FRG1: variants seen among roughly 807,000 people sequenced by gnomAD.
FRG1 encodes protein FRG1.
FRG1 carries 19 observed loss-of-function variants against 37.0 expected under a neutral mutation model. The observed-to-expected ratio is 0.51, with a 90% CI of 0.36 to 0.75. The LOEUF is 0.75. FRG1 is among the 30% of genes least tolerant of loss of function. FRG1 has a pLI of 0.00. For synonymous variants in FRG1, 73 were observed against 96.5 expected, an observed-to-expected ratio of 0.76 and a Z score of 1.43; for missense variants, 243 against 301.4, an observed-to-expected ratio of 0.81 and a Z score of 1.44.
chr4:189,950,933 A>G (rs1457506045), intron 2 of FRG1, among the ~76,000 whole-genome samples: 1 of 152,186 alleles, frequency 6.6e-6, no homozygotes, highest in Non-Finnish European at 1.5e-5. Context: ...ATTTTTATAT[A>G]TTATACTATG....
chr4:189,961,137 T>A (rs571255120), intron 7 of FRG1: 2 of 211,448 alleles, frequency 9.5e-6, no homozygotes, highest in South Asian at 1.1e-4. Flanking sequence ...AGCTAAATGC[T>A]TTTCTTTTCT....
In FRG1 at chr4:189,940,920, C is replaced by T; in HGVS notation, c.-90C>T. The T allele has an allele frequency of 3.0e-6, 3 of 999,146 alleles. No homozygotes were observed. The highest frequency in any genetic ancestry group is 2.0e-5 in the Admixed American group (1 of 50,272). The allele number at this position is 999,146 out of a possible 1,614,324, so 61.9% of individuals were successfully genotyped here. On this transcript the variant is annotated 5_prime_UTR_variant, in exon 1 of 9. Coordinates refer to ENST00000226798, the MANE Select transcript of FRG1 (RefSeq NM_004477.3). ...TCAGGGAGTGTTTATTTCGCGTCCG[C>T]TTCTGTTTCTCCGCGCCCCTGTGCT...
chr4:189,954,985 A>G (rs1398057817), intron 4 of FRG1, 52 bp from the exon 5 acceptor site: 6 of 1,112,880 alleles, frequency 5.4e-6, no homozygotes, highest in African/African-American at 4.7e-5. Context: ...TTGATGTCCT[A>G]TAATTAATTT....
rs1736267400 is a variant in FRG1 at position 189,941,054 on chromosome 4, G to A, written c.45G>A (p.Lys15=). Residue 15 remains lysine, a synonymous_variant, in exon 1 of 9, where the codon AAG becomes AAA. Transcript: ENST00000226798. ...SYVKSTKLVL[K]GTKTKSKKKK... ...TGAAGTCTACCAAGCTCGTGCTCAA[G>A]GGAACCAAGACGAAGAGGTGGGTCC... The A allele has an allele frequency of 6.2e-7, 1 of 1,614,130 alleles. No homozygotes were observed. Among genetic ancestry groups the A allele is most frequent in the Middle Eastern group, 1.6e-4 (1 of 6,062 alleles).
In FRG1 at chr4:189,963,119, A is replaced by G; in HGVS notation, c.767A>G (p.Tyr256Cys). 2 of 1,611,910 alleles carry G rather than the reference A, an allele frequency of 1.2e-6. No individual in the cohort carries two copies. Among genetic ancestry groups the G allele is most frequent in the East Asian group, 2.2e-5 (1 of 44,776 alleles). The change falls in exon 9 of 9, where the codon TAC becomes TGC. Residue 256 changes from tyrosine to cysteine, a missense_variant. Physicochemically the swap from Tyr to Cys is radical, Grantham distance 194. This residue lies in a region of FRG1 where 133 missense variants were observed against 199.3 expected (regional missense o/e 0.67). Transcript: ENST00000226798. ...DRRAKLKADR[Y>C]CK ...AGAGCCAAATTGAAAGCCGACAGAT[A>G]CTGCAAGTGACTGGGATTTTTGTTT...
chr4:189,941,179 C>T, intron 1 of FRG1, 108 bp downstream of exon 1: 15 of 1,005,698 alleles, frequency 1.5e-5, no homozygotes, highest in Non-Finnish European at 2.1e-5. Flanking sequence ...TGTGGCCTCC[C>T]AGGCTTCGCC....
intron 2 of FRG1, among the ~76,000 whole-genome samples, chr4:189,946,489 AT>A (rs1349670073): frequency 1.3e-5 from 2 of 150,530 alleles, no homozygotes; most frequent in African/African-American, 4.9e-5. Context: ...TCAGTCTTTT[AT>A]TTTTTTCCTC....
intron 8 of FRG1, 145 bp downstream of exon 8, chr4:189,962,077 G>A (rs1299771437): frequency 5.0e-6 from 3 of 599,790 alleles, no homozygotes; most frequent in African/African-American, 3.9e-5. Flanking sequence ...TACCTAAAGA[G>A]GACATCGTAA....
At chr4:189,958,651 CTT>C (rs1411853273) in intron 6 of FRG1, among the ~76,000 whole-genome samples, 3 of 152,246 alleles carry the variant, frequency 2.0e-5, no homozygotes, top group African/African-American at 7.2e-5. Context: ...TAATCCTACT[CTT>C]TGTTTTACAT....
chr4:189,961,717 A>G (rs1031834491), intron 7 of FRG1, 105 bp from the exon 8 acceptor site: 1 of 595,928 alleles, frequency 1.7e-6, no homozygotes. Context: ...CTACAATTAG[A>G]CTTTTTTACA....
rs779669157 is a variant in FRG1 at position 189,941,072 on chromosome 4, G to A, written c.62+1G>A. On this transcript the variant is annotated splice_donor_variant, in intron 1 of 8. Transcript: ENST00000226798. LOFTEE classifies it high-confidence loss of function. ...TGCTCAAGGGAACCAAGACGAAGAG[G>A]TGGGTCCTGCAGCTTGGGCGGGAGC... The A allele has an allele frequency of 5.0e-6, 8 of 1,613,868 alleles. No individual in the cohort carries two copies. In the South Asian group the frequency reaches 8.8e-5, roughly 18 times the overall value.
chr4:189,959,900 A>T (rs1417098464), intron 6 of FRG1: 2 of 983,278 alleles, frequency 2.0e-6, no homozygotes, highest in East Asian at 2.3e-4. Context: ...TATCTACCAG[A>T]ACACAGATCC....
chr4:189,956,834 G>A (rs139038183), intron 5 of FRG1, among the ~76,000 whole-genome samples: 1 of 152,106 alleles, frequency 6.6e-6, no homozygotes, highest in Non-Finnish European at 1.5e-5. Context: ...AGATACACAA[G>A]AAAATCAGTC....
At chr4:189,951,692 A>G (rs1018055302) in intron 2 of FRG1, among the ~76,000 whole-genome samples, 2 of 151,868 alleles carry the variant, frequency 1.3e-5, no homozygotes, top group Non-Finnish European at 2.9e-5. Flanking sequence ...TTGAGACAGG[A>G]CCTTGCTCTG....
intron 2 of FRG1, among the ~76,000 whole-genome samples, chr4:189,949,950 C>A (rs541396121): frequency 1.3e-5 from 2 of 151,712 alleles, no homozygotes; most frequent in South Asian, 4.2e-4. Flanking sequence ...TAAATACATG[C>A]ACCATTTTAC....
intron 6 of FRG1, among the ~76,000 whole-genome samples, chr4:189,957,988 A>G (rs1364920933): frequency 6.6e-6 from 1 of 152,006 alleles, no homozygotes; most frequent in East Asian, 1.9e-4. Context: ...GAATATGTTT[A>G]TAATTTTCAA....
At position 189,957,470 on chromosome 4, in the gene FRG1, A is replaced by C; in HGVS notation, c.505A>C (p.Ser169Arg). The change falls in exon 6 of 9, where the codon AGT becomes CGT. Residue 169 changes from serine (S) to arginine (R), a missense_variant. Physicochemically the swap from Ser to Arg is moderately radical, Grantham distance 110 (BLOSUM62 -1). Transcript: ENST00000226798. ...TGAAGCAGGGGACATAGAAGCAAAAAGTAAAACAGCAGGAGAAGAAGAAAT... is the reference window on the plus strand; with the variant it reads ...TGAAGCAGGGGACATAGAAGCAAAACGTAAAACAGCAGGAGAAGAAGAAAT... The part of the protein sequence containing the change: ...CNEAGDIEAK[S>R]KTAGEEEMIK... 6.2e-7 allele frequency: 1 copy of C among 1,612,500 alleles called. No homozygotes were observed. Among genetic ancestry groups the C allele is most frequent in the Non-Finnish European group, 8.5e-7 (1 of 1,179,038 alleles).
intron 6 of FRG1, 132 bp from the exon 7 acceptor site, chr4:189,960,616 T>G (rs538676210): frequency 1.6e-4 from 166 of 1,038,064 alleles, no homozygotes; most frequent in Non-Finnish European, 2.0e-4. Flanking sequence ...AGAACCTTTT[T>G]CTGAATATAG....
chr4:189,952,277 A>C lies in FRG1; in HGVS notation c.249A>C (p.Pro83=). 1 of 1,611,086 alleles carries C rather than the reference A, an allele frequency of 6.2e-7. No homozygotes were observed. Among genetic ancestry groups the C allele is most frequent in the South Asian group, 1.1e-5 (1 of 90,878 alleles). ...LDNGLFTLGA[P]HKEVDEGPSP... is the part of the protein sequence containing the mutation. ...ATGGTCTTTTTACCCTGGGAGCTCC[A>C]CACAAAGAAGGTTTGTGTCTGGAAG... Residue 83 remains proline (P), a synonymous_variant, in exon 3 of 9, where the codon CCA becomes CCC. Coordinates refer to ENST00000226798, the MANE Select transcript of FRG1 (RefSeq NM_004477.3).
Sources: allele counts gnomAD v4.1 joint callset (sites outside exome capture counted in the v4.1 genomes callset), GRCh38; gene constraint gnomAD v4.1.1; regional missense constraint gnomAD v4.1.1; transcripts MANE v1.5; gene names NCBI Gene and HGNC (gene_info 2026-07-23, HGNC 2026-07-21).